PSMD8: variants seen among roughly 807,000 people sequenced by gnomAD.
The protein encoded by PSMD8 is 26S proteasome non-ATPase regulatory subunit 8.
A neutral mutation model predicts 40.0 loss-of-function variants in PSMD8; 30 were observed. That is an observed-to-expected ratio of 0.75 (90% CI 0.56 to 1.02). The LOEUF (loss-of-function observed/expected upper bound fraction) is 1.02, where lower values mean the gene tolerates loss of function less well. Among genes scored for constraint, PSMD8 ranks in the 50% least tolerant of loss-of-function variants. The probability of loss-of-function intolerance (pLI) is 0.00; values close to 1 mark genes in which losing one functional copy is unlikely to be tolerated. For synonymous variants in PSMD8, 208 were observed against 192.5 expected, an observed-to-expected ratio of 1.08 and a Z score of -0.67; for missense variants, 461 against 463.9, an observed-to-expected ratio of 0.99 and a Z score of 0.06.
intron 5 of PSMD8, 49 bp downstream of exon 5, chr19:38,381,048 G>C (rs376689197): frequency 2.2e-6 from 3 of 1,388,168 alleles, no homozygotes; most frequent in Non-Finnish European, 2.9e-6. Flanking sequence ...ACTTGGGCTT[G>C]AGTCGGACAG....
At position 38,375,913 on chromosome 19, in the gene PSMD8, A is replaced by G. The variant is rs75751597; in HGVS notation, c.361-247A>G. On this transcript the variant is annotated intron_variant, in intron 1 of 6. Transcript: ENST00000215071. Reference sequence around the variant, plus strand: ...CACCGCCGCGTGATTCCACTGGGTCAGGCACTGAGTGTCCCTCCTTGTTTC... The same window carrying G: ...CACCGCCGCGTGATTCCACTGGGTCGGGCACTGAGTGTCCCTCCTTGTTTC... Among the ~76,000 whole-genome samples, 302 of 152,348 alleles carry G rather than the reference A, an allele frequency of 2.0e-3. 2 individuals are homozygous for G. The East Asian group carries it at 0.034, about 17-fold the overall frequency.
At chr19:38,377,262 C>T (rs1334933120) in intron 3 of PSMD8, among the ~76,000 whole-genome samples, 5 of 151,896 alleles carry the variant, frequency 3.3e-5, no homozygotes, top group African/African-American at 1.2e-4. Context: ...AGTCATGGCT[C>T]ACCACAGCCT....
chr19:38,382,381 GT>G (rs1438800225), intron 6 of PSMD8, 153 bp downstream of exon 6: 5 of 673,352 alleles, frequency 7.4e-6, no homozygotes, highest in South Asian at 5.0e-5. Flanking sequence ...TCTGACATCA[GT>G]TTCTCTATCC....
At position 38,381,004 on chromosome 19, in the gene PSMD8, G is replaced by C. The variant is rs377249978; in HGVS notation, c.803+5G>C. The C allele has an allele frequency of 2.6e-6, 4 of 1,562,278 alleles. No individual in the cohort carries two copies. The highest frequency in any genetic ancestry group is 2.4e-5 in the South Asian group (2 of 84,702). Reference sequence around the variant, plus strand: ...CATCCTGCTCGACACTATCAGGTGCGTAGCGGGGCCGGGCCCTGTGGAGTT... The same window carrying C: ...CATCCTGCTCGACACTATCAGGTGCCTAGCGGGGCCGGGCCCTGTGGAGTT... On this transcript the variant is annotated splice_donor_5th_base_variant and intron_variant, in intron 5 of 6. Coordinates refer to ENST00000215071, the MANE Select transcript of PSMD8 (RefSeq NM_002812.5).
Position 38,379,343 on chromosome 19 carries a change from C to G in PSMD8, c.640C>G (p.Arg214Gly). Residue 214 changes from arginine to glycine, a missense_variant, in exon 4 of 7, where the codon CGG becomes GGG. By Grantham distance (125) the Arg-to-Gly change is moderately radical. This residue lies in a region of PSMD8 where 236 missense variants were observed against 321.2 expected (regional missense o/e 0.73). Coordinates refer to ENST00000215071, the MANE Select transcript of PSMD8 (RefSeq NM_002812.5). ...GGCTGAGTTCCACACGGAGTTGGAGCGGCTGCCTGCCAAGGACATACAGAC... is the reference window on the plus strand; with the variant it reads ...GGCTGAGTTCCACACGGAGTTGGAGGGGCTGCCTGCCAAGGACATACAGAC... ...RVAEFHTELE[R>G]LPAKDIQTNV... 1 of 1,614,014 alleles carries G rather than the reference C, an allele frequency of 6.2e-7. No homozygotes were observed.
Position 38,376,407 on chromosome 19 carries a change from C to A in PSMD8, c.489C>A (p.Ser163=). The A allele has an allele frequency of 6.4e-7, 1 of 1,552,506 alleles. No individual in the cohort carries two copies. The highest frequency in any genetic ancestry group is 1.2e-5 in the South Asian group (1 of 84,112). Residue 163 remains serine, a synonymous_variant, in exon 3 of 7, where the codon TCC becomes TCA. Coordinates refer to ENST00000215071, the MANE Select transcript of PSMD8 (RefSeq NM_002812.5). ...QWSILRKDIP[S]FERYMAQLKC... is the part of the protein sequence containing the mutation. The stretch of plus-strand genomic sequence containing the variant: ...GCATCCTACGCAAGGACATCCCCTC[C>A]TTCGAGCGCTACATGGCCCAGCTCA...
rs767477953 is a variant in PSMD8, at chr19:38,382,231, G to A, written c.915+3G>A. The stretch of plus-strand genomic sequence containing the variant: ...AGATGACAGACTACGCCAAGAAGGT[G>A]GCTGGGGTACAGGGCAAGGGGCCGT... On this transcript the variant is annotated splice_donor_region_variant and intron_variant, in intron 6 of 6. Transcript: ENST00000215071. The A allele has an allele frequency of 6.3e-7, 1 of 1,580,842 alleles. No homozygotes were observed. Among genetic ancestry groups the A allele is most frequent in the Non-Finnish European group, 8.6e-7 (1 of 1,163,616 alleles).
At chr19:38,378,089 T>C (rs1489283995) in intron 3 of PSMD8, among the ~76,000 whole-genome samples, 6 of 152,226 alleles carry the variant, frequency 3.9e-5, no homozygotes, top group Non-Finnish European at 8.8e-5. Context: ...AGGCCGGGCA[T>C]GATGGCACAT....
chr19:38,375,490 A>G (rs1970590720), intron 1 of PSMD8: 1 of 179,056 alleles, frequency 5.6e-6, no homozygotes, highest in Non-Finnish European at 1.2e-5. Flanking sequence ...CCGGAGTGAT[A>G]AAAGAATGAG....
At chr19:38,382,981 G>A (rs1216753053) in intron 6 of PSMD8, 3 of 412,620 alleles carry the variant, frequency 7.3e-6, no homozygotes, top group Admixed American at 7.3e-5. Context: ...TAACTGATCT[G>A]TCACTCAGGC....
Position 38,382,115 on chromosome 19 carries a change from A to C in PSMD8, c.804-2A>C, listed in dbSNP as rs1970645389. 5 of 1,559,658 alleles carry C rather than the reference A, an allele frequency of 3.2e-6. No homozygotes were observed. Among genetic ancestry groups the C allele is most frequent in the Non-Finnish European group, 4.3e-6 (5 of 1,151,098 alleles). ...AATGAGGAGCTTCTCATCTTCCCCC[A>C]GGGATGAGATCGCTGGGTGCATCGA... On this transcript the variant is annotated splice_acceptor_variant, in intron 5 of 6. Coordinates refer to ENST00000215071, the MANE Select transcript of PSMD8 (RefSeq NM_002812.5). LOFTEE classifies it high-confidence loss of function.
At chr19:38,382,022 C>T (rs1970644381) in intron 5 of PSMD8, 95 bp from the exon 6 acceptor site, 1 of 831,646 alleles carries the variant, frequency 1.2e-6, no homozygotes, top group Non-Finnish European at 2.0e-6. Flanking sequence ...CAGTGCTGAA[C>T]TCCAGGGTCA....
chr19:38,378,444 C>T (rs1970614334), intron 3 of PSMD8, among the ~76,000 whole-genome samples: 1 of 150,158 alleles, frequency 6.7e-6, no homozygotes, highest in African/African-American at 2.5e-5. Context: ...GGAGGCAGAG[C>T]CTGCAGTGAG....
At chr19:38,377,630 G>A (rs1432535424) in intron 3 of PSMD8, among the ~76,000 whole-genome samples, 1 of 151,880 alleles carries the variant, frequency 6.6e-6, no homozygotes, top group Non-Finnish European at 1.5e-5. Context: ...CCAAGTAGCT[G>A]GGATTACAGG....
intron 3 of PSMD8, among the ~76,000 whole-genome samples, chr19:38,377,276 C>G (rs1970605658): frequency 6.6e-6 from 1 of 151,550 alleles, no homozygotes; most frequent in Non-Finnish European, 1.5e-5. Context: ...ACAGCCTTGA[C>G]CTCCTGGGCT....
intron 1 of PSMD8, 130 bp downstream of exon 1, chr19:38,375,091 C>A: frequency 7.1e-7 from 1 of 1,409,972 alleles, no homozygotes; most frequent in South Asian, 1.4e-5. Context: ...GCTGGGGGAT[C>A]CGATGGGGTG....
In PSMD8 at chr19:38,377,325, G is replaced by T. The variant is rs114256685; in HGVS notation, c.536+871G>T. On this transcript the variant is annotated intron_variant, in intron 3 of 6. Transcript: ENST00000215071. ...TACCTTAGCCTCTCAAGTAGCTAGG[G>T]CTACAGGTGCACACCACCACTCCTG... Among the ~76,000 whole-genome samples the T allele has an allele frequency of 2.6e-5, 4 of 151,336 alleles. No individual in the cohort carries two copies. The East Asian group carries it at 7.8e-4, about 30-fold the overall frequency.
chr19:38,374,758 A>C lies in PSMD8; in HGVS notation c.157A>C (p.Lys53Gln). 2 of 1,562,514 alleles carry C rather than the reference A, an allele frequency of 1.3e-6. No individual in the cohort carries two copies. Among genetic ancestry groups the C allele is most frequent in the Non-Finnish European group, 1.7e-6 (2 of 1,158,220 alleles). ...RASVCRRRCR[K>Q]SGGLLAASRK... is the part of the protein sequence containing the mutation. ...AAGCGTTTGTAGGCGGCGCTGCCGTAAATCAGGCGGTCTGCTTGCCGCATC... is the reference window on the plus strand; with the variant it reads ...AAGCGTTTGTAGGCGGCGCTGCCGTCAATCAGGCGGTCTGCTTGCCGCATC... Residue 53 changes from lysine to glutamine, a missense_variant, in exon 1 of 7, where the codon AAA becomes CAA. Around this residue, in one of 2 missense-constraint regions of PSMD8, gnomAD observed 225 missense variants for 142.7 expected, o/e 1.58. Coordinates refer to ENST00000215071, the MANE Select transcript of PSMD8 (RefSeq NM_002812.5).
At chr19:38,378,911 C>A (rs111576153) in intron 3 of PSMD8, among the ~76,000 whole-genome samples, 3,520 of 152,194 alleles carry the variant, frequency 0.023, 52 homozygotes, top group South Asian at 0.045. Context: ...CAAGAACGCA[C>A]CATTGCACTC....
Sources: gnomAD v4.1 joint callset for allele counts (sites outside exome capture counted in the v4.1 genomes callset) on GRCh38, gnomAD v4.1.1 for gene constraint, gnomAD v4.1.1 regional missense constraint, MANE v1.5 for transcripts, NCBI Gene and HGNC (gene_info 2026-07-23, HGNC 2026-07-21) for gene names.